The following PALD1 variants were observed in gnomAD, a reference collection of about 807,000 sequenced individuals.
PALD1 encodes phosphatase domain containing paladin 1, also known as paladin.
In PALD1, 57 loss-of-function variants were observed where a neutral mutation model predicts 96.0. The observed-to-expected ratio is 0.59, with a 90% CI of 0.48 to 0.74. The LOEUF (loss-of-function observed/expected upper bound fraction) is 0.74, where lower values mean the gene tolerates loss of function less well. PALD1 is among the 30% of genes least tolerant of loss of function. PALD1 has a pLI of 0.00. For synonymous variants in PALD1, 464 were observed against 473.6 expected, an observed-to-expected ratio of 0.98 and a Z score of 0.26; for missense variants, 1,063 against 1,143.7, an observed-to-expected ratio of 0.93 and a Z score of 1.02.
chr10:70,503,123 G>A (rs182415841), intron 1 of PALD1, among the ~76,000 whole-genome samples: 1 of 151,956 alleles, frequency 6.6e-6, no homozygotes, highest in Non-Finnish European at 1.5e-5. Context: ...CACGTGATCT[G>A]CCTGCCTCGG....
chr10:70,544,243 A>C lies in PALD1; in HGVS notation c.2121+2709A>C, dbSNP rs79442020. ...AGTGAGTATCCTTGGTGAGGAGGGG[A>C]GTGTCTGGAGGGATCAAGTGTGCAA... On this transcript the variant is annotated intron_variant, in intron 17 of 19. Transcript: ENST00000263563. Among the ~76,000 whole-genome samples, 1,379 of 151,768 alleles carry C rather than the reference A, an allele frequency of 9.1e-3. 21 individuals carry two copies. Among genetic ancestry groups the C allele is most frequent in the East Asian group, 0.04 (205 of 5,156 alleles).
chr10:70,527,877 C>T (rs575471060), intron 2 of PALD1, among the ~76,000 whole-genome samples: 1 of 152,286 alleles, frequency 6.6e-6, no homozygotes, highest in African/African-American at 2.4e-5. Context: ...GTGTGCCGCA[C>T]CCACCAACCC....
chr10:70,528,484 C>G (rs1846916489), intron 2 of PALD1, among the ~76,000 whole-genome samples: 1 of 152,184 alleles, frequency 6.6e-6, no homozygotes, highest in Non-Finnish European at 1.5e-5. Context: ...AAATGAGCTC[C>G]TTGTCCAAAG....
chr10:70,557,599 C>T (rs1847636511), intron 18 of PALD1, among the ~76,000 whole-genome samples: 1 of 152,182 alleles, frequency 6.6e-6, no homozygotes, highest in Admixed American at 6.5e-5. Flanking sequence ...GCGTCCTGTA[C>T]TGGGGCCCCA....
At chr10:70,552,312 C>T (rs564875356) in intron 18 of PALD1, among the ~76,000 whole-genome samples, 3 of 152,302 alleles carry the variant, frequency 2.0e-5, no homozygotes, top group African/African-American at 4.8e-5. Flanking sequence ...GTGTAGCACG[C>T]GCGGCCCTTC....
intron 19 of PALD1, 43 bp downstream of exon 19, chr10:70,564,562 C>T (rs766165701): frequency 1.3e-6 from 2 of 1,592,292 alleles, no homozygotes; most frequent in Admixed American, 1.7e-5. Flanking sequence ...GCGATGGCTC[C>T]TGCAGATGGA....
Position 70,532,753 on chromosome 10 carries a change from C to G in PALD1, c.766C>G (p.Arg256Gly). 1.2e-6 allele frequency: 2 copies of G among 1,614,164 alleles called. No individual in the cohort carries two copies. Among genetic ancestry groups the G allele is most frequent in the South Asian group, 2.2e-5 (2 of 91,078 alleles). ...GCATGTGACGGAGGAGGTGTACAAG[C>G]GGCCCCTCTTCCTGCAGCCCACCTA... ...DLHVTEEVYK[R>G]PLFLQPTYRY... is the part of the protein sequence containing the mutation. Residue 256 changes from arginine to glycine, a missense_variant, in exon 6 of 20, where the codon CGG becomes GGG. Transcript: ENST00000263563.
At chr10:70,547,864 G>T (rs953491011) in intron 18 of PALD1, among the ~76,000 whole-genome samples, 1 of 152,138 alleles carries the variant, frequency 6.6e-6, no homozygotes, top group Admixed American at 6.5e-5. Context: ...AGACCCTCAG[G>T]GTCTTGGGGT....
intron 18 of PALD1, among the ~76,000 whole-genome samples, chr10:70,561,557 C>T (rs1231403365): frequency 6.6e-6 from 1 of 152,090 alleles, no homozygotes; most frequent in South Asian, 2.1e-4. Context: ...TGTTGTTGTT[C>T]ACTCCCCAGT....
chr10:70,551,895 C>T (rs4747050), intron 18 of PALD1, among the ~76,000 whole-genome samples: 2,029 of 145,478 alleles, frequency 0.014, 62 homozygotes, highest in Admixed American at 0.078. Flanking sequence ...TCAGGTTGAG[C>T]AAAGAGTCTC....
intron 1 of PALD1, among the ~76,000 whole-genome samples, chr10:70,504,041 C>T (rs1298067507): frequency 6.6e-6 from 1 of 152,214 alleles, no homozygotes; most frequent in Non-Finnish European, 1.5e-5. Flanking sequence ...TAACCCGGAC[C>T]ATCTGGGCCT....
intron 1 of PALD1, among the ~76,000 whole-genome samples, chr10:70,519,540 A>C (rs1589191843): frequency 6.9e-6 from 1 of 144,806 alleles, no homozygotes; most frequent in African/African-American, 2.6e-5. Context: ...ACCTCCTAAT[A>C]CCATGACCTT....
At chr10:70,465,582 C>T in the PALD1 span, among the ~76,000 whole-genome samples, 2 of 152,168 alleles carry the variant, frequency 1.3e-5, no homozygotes, top group Non-Finnish European at 1.5e-5. Context: ...GTTAGTTTTA[C>T]AGGTGAGGGG....
chr10:70,461,586 GA>G, the PALD1 span, among the ~76,000 whole-genome samples: 6 of 152,190 alleles, frequency 3.9e-5, no homozygotes, highest in African/African-American at 1.2e-4. Flanking sequence ...TGGCCTCCCA[GA>G]CCAGAGCTTC....
At chr10:70,509,653 G>A (rs1002195759) in intron 1 of PALD1, among the ~76,000 whole-genome samples, 1 of 152,218 alleles carries the variant, frequency 6.6e-6, no homozygotes, top group African/African-American at 2.4e-5. Flanking sequence ...ACTGAAGGGG[G>A]TGAGGGTGGC....
rs571356491 is a variant in PALD1, at chr10:70,566,610, C to G, written c.2448C>G (p.Ile816Met). 2 of 1,611,352 alleles carry G rather than the reference C, an allele frequency of 1.2e-6. No homozygotes were observed. The highest frequency in any genetic ancestry group is 3.3e-5 in the Admixed American group (2 of 59,790). Residue 816 changes from isoleucine (I) to methionine (M), a missense_variant, in exon 20 of 20, where the codon ATC becomes ATG. By Grantham distance (10) the Ile-to-Met change is conservative. Coordinates refer to ENST00000263563, the MANE Select transcript of PALD1 (RefSeq NM_014431.3). ...CATCGAAGGCTGGCATCTACGAGATCCTTAACGAGCTGGGCTTCCCCGAGC... is the reference window on the plus strand; with the variant it reads ...CATCGAAGGCTGGCATCTACGAGATGCTTAACGAGCTGGGCTTCCCCGAGC... ...EVASKAGIYEILNELGFPELE... is the reference protein window; with the variant it reads ...EVASKAGIYEMLNELGFPELE...
chr10:70,545,276 TG>T (rs1847338564), intron 17 of PALD1, among the ~76,000 whole-genome samples: 1 of 151,894 alleles, frequency 6.6e-6, no homozygotes, highest in South Asian at 2.1e-4. Context: ...CTGTGCTGAG[TG>T]TAAGAGAGCC....
chr10:70,551,699 T>C (rs776311726), intron 18 of PALD1, among the ~76,000 whole-genome samples: 28 of 152,330 alleles, frequency 1.8e-4, no homozygotes, highest in Non-Finnish European at 3.1e-4. Context: ...TCCTGTGATA[T>C]GGCATTTGTG....
At position 70,539,436 on chromosome 10, in the gene PALD1, G is replaced by A. The variant is rs1847191345; in HGVS notation, c.1726-144G>A. ...TCTGCTAACCTGCTTGGCTTTGGGG[G>A]GTGGCTGTGACCCCTGAGGCTTGGG... is the stretch of plus-strand genomic sequence containing the variant. On this transcript the variant is annotated intron_variant, in intron 14 of 19. Coordinates refer to ENST00000263563, the MANE Select transcript of PALD1 (RefSeq NM_014431.3). This position sits in a 1 kb window ranked among gnomAD's most constrained non-coding sequence, Gnocchi z 4.5. The A allele has an allele frequency of 9.9e-7, 1 of 1,010,830 alleles. No individual in the cohort carries two copies. Among genetic ancestry groups the A allele is most frequent in the Non-Finnish European group, 1.4e-6 (1 of 709,726 alleles). 62.6% of individuals were successfully genotyped at this position (1,010,830 alleles called of 1,614,324 possible). A position where few individuals can be genotyped will look rare whatever the true frequency, so the allele number is the denominator to read the frequency against.
Sources: gnomAD v4.1 joint callset for allele counts (sites outside exome capture counted in the v4.1 genomes callset) on GRCh38, gnomAD v4.1.1 for gene constraint, Gnocchi (gnomAD v3.1) non-coding constraint, MANE v1.5 for transcripts, NCBI Gene and HGNC (gene_info 2026-07-23, HGNC 2026-07-21) for gene names.